Variants in UTRN observed in about 807,000 individuals in gnomAD.
The protein encoded by UTRN is utrophin.
In UTRN, 283 loss-of-function variants were observed where a neutral mutation model predicts 463.9. The ratio of observed to expected loss-of-function variants is 0.61; its 90% CI spans 0.55 to 0.67. The LOEUF (loss-of-function observed/expected upper bound fraction) is 0.67, where lower values mean the gene tolerates loss of function less well. Ranked by LOEUF, UTRN falls within the 30% of genes least tolerant of loss-of-function variation. The pLI is 0.00. For synonymous variants in UTRN, 1,442 were observed against 1,431.5 expected, an observed-to-expected ratio of 1.01 and a Z score of -0.17; for missense variants, 3,922 against 4,084.3, an observed-to-expected ratio of 0.96 and a Z score of 1.08.
chr6:144,291,124 G>A (rs1052773993), intron 1 of UTRN, among the ~76,000 whole-genome samples: 2 of 151,910 alleles, frequency 1.3e-5, no homozygotes, highest in Non-Finnish European at 2.9e-5. Flanking sequence ...TCCCTCCTTC[G>A]AACCATCTAC....
chr6:144,558,000 G>A (rs899162987), intron 50 of UTRN, among the ~76,000 whole-genome samples: 1 of 152,080 alleles, frequency 6.6e-6, no homozygotes, highest in Non-Finnish European at 1.5e-5. Context: ...CATGCATATA[G>A]TACTGGGAAT....
At chr6:144,759,629 C>G (rs1388165234) in intron 58 of UTRN, among the ~76,000 whole-genome samples, 2 of 152,060 alleles carry the variant, frequency 1.3e-5, no homozygotes, top group African/African-American at 4.8e-5. Context: ...CTGGATTATC[C>G]TGATGGGCTT....
intron 52 of UTRN, among the ~76,000 whole-genome samples, chr6:144,696,903 A>G (rs1784065538): frequency 6.6e-6 from 1 of 152,186 alleles, no homozygotes; most frequent in Admixed American, 6.5e-5. Context: ...TTGAAGATAC[A>G]GTTTGTTTGA....
chr6:144,314,651 A>T (rs912207394), intron 2 of UTRN, among the ~76,000 whole-genome samples: 1 of 152,180 alleles, frequency 6.6e-6, no homozygotes, highest in African/African-American at 2.4e-5. Flanking sequence ...TTGGGACAGT[A>T]CCCTATCATC....
At position 144,347,835 on chromosome 6, in the gene UTRN, T is replaced by TTG. The variant is rs1427368376; in HGVS notation, c.80-55286_80-55285dup. On this transcript the variant is annotated intron_variant, in intron 2 of 74. Coordinates refer to ENST00000367545, the MANE Select transcript of UTRN (RefSeq NM_007124.3). ...AATCTCCTGAACTGTGGCTTATTCT[T>TTG]TGTTTTTTTTTTTTGTTTTTTTTTT... is the stretch of plus-strand genomic sequence containing the variant. 5.6e-4 allele frequency among the ~76,000 whole-genome samples: 80 copies of TTG among 142,474 alleles called. 3 individuals are homozygous for TTG. Among genetic ancestry groups the TTG allele is most frequent in the African/African-American group, 2.2e-3 (73 of 32,698 alleles). The allele number at this position is 142,474 out of a possible 152,430, so 93.5% of individuals were successfully genotyped here. A position where few individuals can be genotyped will look rare whatever the true frequency, so the allele number is the denominator to read the frequency against.
chr6:144,550,405 G>A (rs1348776010), intron 47 of UTRN, among the ~76,000 whole-genome samples: 2 of 152,146 alleles, frequency 1.3e-5, no homozygotes, highest in African/African-American at 4.8e-5. Flanking sequence ...GAAAACACAT[G>A]ATTTTCCTGA....
chr6:144,433,189 T>C (rs1417246563), intron 9 of UTRN, among the ~76,000 whole-genome samples: 1 of 152,104 alleles, frequency 6.6e-6, no homozygotes, highest in Non-Finnish European at 1.5e-5. Context: ...CCGTTCTCAA[T>C]GAGCTGTTGG....
At position 144,447,254 on chromosome 6, in the gene UTRN, A is replaced by G; in HGVS notation, c.1658A>G (p.Asn553Ser). 6.2e-7 allele frequency: 1 copy of G among 1,614,074 alleles called. No individual in the cohort carries two copies. The highest frequency in any genetic ancestry group is 1.3e-5 in the African/African-American group (1 of 75,072). The change falls in exon 15 of 75, where the codon AAT becomes AGT. Residue 553 changes from asparagine to serine, a missense_variant. Transcript: ENST00000367545. ...AWLTEKEEALNKVQTSNFKDQ... is the reference protein window; with the variant it reads ...AWLTEKEEALSKVQTSNFKDQ... ...TTAACCGAAAAAGAAGAGGCTTTAA[A>G]TAAAGTCCAGACAAGCAACTTCAAA...
intron 53 of UTRN, among the ~76,000 whole-genome samples, chr6:144,723,538 G>A (rs1238908344): frequency 1.3e-5 from 2 of 152,266 alleles, no homozygotes; most frequent in South Asian, 2.1e-4. Flanking sequence ...TAATGGAGGG[G>A]ACAGATGCAT....
intron 54 of UTRN, among the ~76,000 whole-genome samples, chr6:144,746,216 T>C (rs1426459105): frequency 6.6e-6 from 1 of 152,122 alleles, no homozygotes; most frequent in African/African-American, 2.4e-5. Flanking sequence ...TTGGCCAGGC[T>C]GGTCTCAAAC....
intron 51 of UTRN, among the ~76,000 whole-genome samples, chr6:144,598,054 G>C (rs1484643911): frequency 6.6e-6 from 1 of 152,138 alleles, no homozygotes; most frequent in Non-Finnish European, 1.5e-5. Context: ...TATCATTCTG[G>C]CTTCCAAGGA....
chr6:144,766,781 G>C (rs1041704513), intron 58 of UTRN, among the ~76,000 whole-genome samples: 1 of 145,992 alleles, frequency 6.8e-6, no homozygotes, highest in African/African-American at 2.6e-5. Flanking sequence ...GTAGATTTGA[G>C]GTAGGGGTGT....
At chr6:144,719,403 C>G (rs1480108305) in intron 53 of UTRN, among the ~76,000 whole-genome samples, 1 of 152,028 alleles carries the variant, frequency 6.6e-6, no homozygotes, top group African/African-American at 2.4e-5. Flanking sequence ...TGGAGAAACC[C>G]CATCTCTACT....
intron 23 of UTRN, among the ~76,000 whole-genome samples, chr6:144,472,281 G>C (rs988586182): frequency 1.3e-5 from 2 of 151,566 alleles, no homozygotes; most frequent in Non-Finnish European, 2.9e-5. Flanking sequence ...GCCTTGCCCA[G>C]ACTCATTTCC....
intron 23 of UTRN, among the ~76,000 whole-genome samples, chr6:144,471,055 G>A (rs1213852476): frequency 2.7e-5 from 3 of 112,788 alleles, no homozygotes; most frequent in East Asian, 3.3e-4. Context: ...AGAGGGAGGG[G>A]GAGAGGGAGG....
intron 2 of UTRN, among the ~76,000 whole-genome samples, chr6:144,328,973 C>T (rs9496933): frequency 0.063 from 9,617 of 151,530 alleles, 1,021 homozygotes; most frequent in African/African-American, 0.22. Context: ...TTGGTAGAGA[C>T]GGAGTTACAC....
chr6:144,479,873 A>G lies in UTRN; in HGVS notation c.3398A>G (p.Asp1133Gly). 3.7e-6 allele frequency: 6 copies of G among 1,614,222 alleles called. No individual in the cohort carries two copies. The South Asian group carries it at 5.5e-5, about 15-fold the overall frequency. The change falls in exon 26 of 75, where the codon GAC becomes GGC. Residue 1133 changes from aspartate (D) to glycine (G), a missense_variant. Physicochemically the swap from Asp to Gly is moderately conservative, Grantham distance 94. Around this residue, in one of 3 missense-constraint regions of UTRN, gnomAD observed 2,349 missense variants for 2,303.8 expected, o/e 1.02. Coordinates refer to ENST00000367545, the MANE Select transcript of UTRN (RefSeq NM_007124.3). ...SQEKAANLKK[D>G]LAEMQEWMTQ... ...GAAAAAGCTGCGAACCTGAAGAAAG[A>G]CTTGGCAGAGATGCAGGAATGGATG...
chr6:144,335,184 A>T (rs1250941896), intron 2 of UTRN, among the ~76,000 whole-genome samples: 1 of 152,226 alleles, frequency 6.6e-6, no homozygotes, highest in Non-Finnish European at 1.5e-5. Context: ...GAAAAATTTC[A>T]TGGAAAGTGA....
rs150914138 is a variant in UTRN, at chr6:144,704,491, G to A, written c.7809+4248G>A. ...TCTAGAACATGACACAGTACAGAAA[G>A]GTGTGCTGGGTTTGGGGTAAGCATT... On this transcript the variant is annotated intron_variant, in intron 53 of 74. Coordinates refer to ENST00000367545, the MANE Select transcript of UTRN (RefSeq NM_007124.3). Among the ~76,000 whole-genome samples, 204 of 152,286 alleles carry A rather than the reference G, an allele frequency of 1.3e-3. 2 individuals are homozygous for A. The highest frequency in any genetic ancestry group is 3.9e-3 in the Admixed American group (60 of 15,290).
Sources: gnomAD v4.1 joint callset for allele counts (sites outside exome capture counted in the v4.1 genomes callset) on GRCh38, gnomAD v4.1.1 for gene constraint, gnomAD v4.1.1 regional missense constraint, MANE v1.5 for transcripts, NCBI Gene and HGNC (gene_info 2026-07-23, HGNC 2026-07-21) for gene names.